TCF15: variants seen among roughly 807,000 people sequenced by gnomAD.
The protein encoded by TCF15 is transcription factor 15.
A neutral mutation model predicts 11.1 loss-of-function variants in TCF15; 7 were observed. That is an observed-to-expected ratio of 0.63 (90% CI 0.36 to 1.19). The LOEUF (loss-of-function observed/expected upper bound fraction) is 1.19, where lower values mean the gene tolerates loss of function less well. TCF15 is among the 50% of genes most tolerant of loss of function. The pLI, the probability that TCF15 is intolerant of heterozygous loss-of-function variation, is 0.02. For missense variants in TCF15, 288 were observed against 289.4 expected, an observed-to-expected ratio of 1.00 and a Z score of 0.03; for synonymous variants, 144 against 138.9, an observed-to-expected ratio of 1.04 and a Z score of -0.26.
At chr20:605,093 T>A (rs1296157546) in intron 1 of TCF15, among the ~76,000 whole-genome samples, 1 of 152,164 alleles carries the variant, frequency 6.6e-6, no homozygotes, top group Non-Finnish European at 1.5e-5. Flanking sequence ...CGGGTTCAAG[T>A]GATTCTCCTG....
rs1339381620 is a variant in TCF15 at position 604,528 on chromosome 20, C to T, written c.*63G>A. On this transcript the variant is annotated 3_prime_UTR_variant, in exon 2 of 2. Transcript: ENST00000246080. The surrounding 1 kb of genome is among the most constrained non-coding windows in gnomAD (Gnocchi z 4.2). ...CACAAAGAAGGGGTGGGCTTGGCTC[C>T]TGGGGTCTTCTTCCCTGTCCAGCCA... 31 of 1,469,954 alleles carry T rather than the reference C, an allele frequency of 2.1e-5. No homozygotes were observed. The highest frequency in any genetic ancestry group is 2.8e-5 in the Non-Finnish European group (30 of 1,073,836). 91.1% of individuals were successfully genotyped at this position (1,469,954 alleles called of 1,614,324 possible).
chr20:606,015 T>TA (rs1420658660), intron 1 of TCF15, among the ~76,000 whole-genome samples: 1 of 152,192 alleles, frequency 6.6e-6, no homozygotes, highest in Non-Finnish European at 1.5e-5. Flanking sequence ...TCAGCCCACT[T>TA]AGAGAAACAG....
At position 609,664 on chromosome 20, in the gene TCF15, C is replaced by G; in HGVS notation, c.525+49G>C. The G allele has an allele frequency of 3.0e-6, 4 of 1,326,708 alleles. No homozygotes were observed. Among genetic ancestry groups the G allele is most frequent in the Non-Finnish European group, 2.9e-6 (3 of 1,046,204 alleles). 82.2% of individuals were successfully genotyped at this position (1,326,708 alleles called of 1,614,324 possible). On this transcript the variant is annotated intron_variant, in intron 1 of 1. Transcript: ENST00000246080. The surrounding 1 kb of genome is among the most constrained non-coding windows in gnomAD (Gnocchi z 4.7). Reference sequence around the variant, plus strand: ...TCCGGTTCCCGCAGAGGCGCTGCCCCCCGCCTACCCCGACCTGGCGGCCGC... The same window carrying G: ...TCCGGTTCCCGCAGAGGCGCTGCCCGCCGCCTACCCCGACCTGGCGGCCGC...
At chr20:606,033 T>C (rs1474336119) in intron 1 of TCF15, among the ~76,000 whole-genome samples, 1 of 152,202 alleles carries the variant, frequency 6.6e-6, no homozygotes, top group Non-Finnish European at 1.5e-5. Flanking sequence ...CAGCTGACCA[T>C]CTGGGAGCTC....
chr20:604,795 C>T lies in TCF15; in HGVS notation c.526-130G>A. The T allele has an allele frequency of 1.3e-6, 1 of 749,338 alleles. No homozygotes were observed. The highest frequency in any genetic ancestry group is 2.2e-6 in the Non-Finnish European group (1 of 463,768). 46.4% of individuals were successfully genotyped at this position (749,338 alleles called of 1,614,324 possible). On this transcript the variant is annotated intron_variant, in intron 1 of 1. Coordinates refer to ENST00000246080, the MANE Select transcript of TCF15 (RefSeq NM_004609.4). This position sits in a 1 kb window ranked among gnomAD's most constrained non-coding sequence, Gnocchi z 4.2. ...TTCAGCCACACGATCAAGTTCTCTG[C>T]AACAGAAAGCAGAAGAAACCCTTTC... is the stretch of plus-strand genomic sequence containing the variant.
intron 1 of TCF15, among the ~76,000 whole-genome samples, chr20:606,943 G>A (rs1183577568): frequency 3.3e-5 from 5 of 152,048 alleles, no homozygotes; most frequent in East Asian, 1.9e-4. Flanking sequence ...CCTAGGCTTC[G>A]ATCCCTACTT....
intron 1 of TCF15, among the ~76,000 whole-genome samples, chr20:608,687 A>G (rs1020033207): frequency 6.6e-6 from 1 of 152,240 alleles, no homozygotes; most frequent in African/African-American, 2.4e-5. Context: ...AGAACCAAAC[A>G]GCAGGGAGTC....
chr20:609,780 GC>G lies in TCF15; in HGVS notation c.457del (p.Ala153ProfsTer34). The G allele has an allele frequency of 7.1e-7, 1 of 1,417,430 alleles. No individual in the cohort carries two copies. 87.8% of individuals were successfully genotyped at this position (1,417,430 alleles called of 1,614,324 possible). A position where few individuals can be genotyped will look rare whatever the true frequency, so the allele number is the denominator to read the frequency against. ...CGGCTGGCGGCCGCCGTCGGCGGCG[GC>G]GGGGACGGCGCCCTTGGCACTGCCC... The part of the protein sequence containing the change: ...AAGSAKGAVP[A>X]AADGGRQPRS... On this transcript the variant is annotated frameshift_variant, in exon 1 of 2. Coordinates refer to ENST00000246080, the MANE Select transcript of TCF15 (RefSeq NM_004609.4). LOFTEE classifies it high-confidence loss of function. This position sits in a 1 kb window ranked among gnomAD's most constrained non-coding sequence, Gnocchi z 4.7.
chr20:604,988 C>G lies in TCF15; in HGVS notation c.526-323G>C, dbSNP rs2019960617. ...ATGGAGAGAGGATGGGAGGGAGGCT[C>G]TCTCATGCTATACTGTTTTTTGAGA... On this transcript the variant is annotated intron_variant, in intron 1 of 1. Coordinates refer to ENST00000246080, the MANE Select transcript of TCF15 (RefSeq NM_004609.4). This position sits in a 1 kb window ranked among gnomAD's most constrained non-coding sequence, Gnocchi z 4.2. Among the ~76,000 whole-genome samples, 1 of 152,140 alleles carries G rather than the reference C, an allele frequency of 6.6e-6. No homozygotes were observed. The highest frequency in any genetic ancestry group is 1.5e-5 in the Non-Finnish European group (1 of 68,016).
intron 1 of TCF15, among the ~76,000 whole-genome samples, chr20:607,019 C>T (rs1012799699): frequency 6.6e-5 from 10 of 152,154 alleles, no homozygotes; most frequent in African/African-American, 1.9e-4. Flanking sequence ...GTTTCCCCCC[C>T]GTAAAGGGGA....
At chr20:607,470 TC>T (rs754715546) in intron 1 of TCF15, among the ~76,000 whole-genome samples, 4 of 152,150 alleles carry the variant, frequency 2.6e-5, no homozygotes, top group Non-Finnish European at 5.9e-5. Flanking sequence ...GAGCAAGAGC[TC>T]CCCAAGCCAG....
chr20:608,875 T>C (rs1308824148), intron 1 of TCF15, among the ~76,000 whole-genome samples: 1 of 152,100 alleles, frequency 6.6e-6, no homozygotes, highest in African/African-American at 2.4e-5. Flanking sequence ...ATGAAGCAGG[T>C]TCCTTGGAGC....
At position 609,253 on chromosome 20, in the gene TCF15, G is replaced by A. The variant is rs2020001865; in HGVS notation, c.525+460C>T. 6.6e-6 allele frequency among the ~76,000 whole-genome samples: 1 copy of A among 152,212 alleles called. No homozygotes were observed. Among genetic ancestry groups the A allele is most frequent in the African/African-American group, 2.4e-5 (1 of 41,454 alleles). On this transcript the variant is annotated intron_variant, in intron 1 of 1. Transcript: ENST00000246080. The surrounding 1 kb of genome is among the most constrained non-coding windows in gnomAD (Gnocchi z 4.7). ...GCCAGCGCCCCGGCTTCCCAGCTGAGTAAATGTGGGCAGGTGATCCCATCT... is the reference window on the plus strand; with the variant it reads ...GCCAGCGCCCCGGCTTCCCAGCTGAATAAATGTGGGCAGGTGATCCCATCT...
chr20:605,593 G>A (rs968116108), intron 1 of TCF15, among the ~76,000 whole-genome samples: 1 of 152,214 alleles, frequency 6.6e-6, no homozygotes, highest in African/African-American at 2.4e-5. Context: ...CCCATTTCCA[G>A]CCTGGGCTCT....
intron 1 of TCF15, among the ~76,000 whole-genome samples, chr20:607,562 G>T (rs1267069357): frequency 6.6e-6 from 1 of 152,224 alleles, no homozygotes; most frequent in East Asian, 1.9e-4. Context: ...AGGAGACCGT[G>T]GGGTTGAGAG....
intron 1 of TCF15, among the ~76,000 whole-genome samples, chr20:605,796 T>C (rs2019969122): frequency 6.6e-6 from 1 of 152,104 alleles, no homozygotes; most frequent in Non-Finnish European, 1.5e-5. Flanking sequence ...GCCAGAGAGG[T>C]CACAGATGTT....
At chr20:605,743 T>C (rs1398579443) in intron 1 of TCF15, among the ~76,000 whole-genome samples, 1 of 152,176 alleles carries the variant, frequency 6.6e-6, no homozygotes, top group Non-Finnish European at 1.5e-5. Context: ...CTCTTCTCAT[T>C]GATATTTTCA....
At position 609,968 on chromosome 20, in the gene TCF15, C is replaced by A. The variant is rs2020009849; in HGVS notation, c.270G>T (p.Thr90=). 1.4e-6 allele frequency: 2 copies of A among 1,471,188 alleles called. No homozygotes were observed. Among genetic ancestry groups the A allele is most frequent in the Non-Finnish European group, 9.0e-7 (1 of 1,117,222 alleles). The allele number at this position is 1,471,188 out of a possible 1,614,324, so 91.1% of individuals were successfully genotyped here. The change falls in exon 1 of 2, where the codon ACG becomes ACT. Residue 90 remains threonine (T), a synonymous_variant. Coordinates refer to ENST00000246080, the MANE Select transcript of TCF15 (RefSeq NM_004609.4). This position sits in a 1 kb window ranked among gnomAD's most constrained non-coding sequence, Gnocchi z 4.7. The part of the protein sequence containing the change: ...RERDRTQSVN[T]AFTALRTLIP... ...TGAGCGTGCGCAGCGCCGTGAAGGCCGTGTTCACGCTCTGAGTGCGGTCCC... is the reference window on the plus strand; with the variant it reads ...TGAGCGTGCGCAGCGCCGTGAAGGCAGTGTTCACGCTCTGAGTGCGGTCCC...
At chr20:606,257 G>A (rs531625419) in intron 1 of TCF15, among the ~76,000 whole-genome samples, 1 of 152,222 alleles carries the variant, frequency 6.6e-6, no homozygotes, top group South Asian at 2.1e-4. Flanking sequence ...AGATAGGGGA[G>A]GGGGTGCAAT....
Sources: allele counts gnomAD v4.1 joint callset (sites outside exome capture counted in the v4.1 genomes callset), GRCh38; gene constraint gnomAD v4.1.1; non-coding constraint Gnocchi (gnomAD v3.1); transcripts MANE v1.5; gene names NCBI Gene and HGNC (gene_info 2026-07-23, HGNC 2026-07-21).